The following GABRB1 variants were observed in gnomAD, a reference collection of about 807,000 sequenced individuals.
GABRB1 encodes the protein gamma-aminobutyric acid type A receptor subunit beta1, also known as gamma-aminobutyric acid receptor subunit beta-1.
GABRB1 carries 17 observed loss-of-function variants against 51.6 expected under a neutral mutation model. That is an observed-to-expected ratio of 0.33 (90% CI 0.23 to 0.49). The LOEUF (loss-of-function observed/expected upper bound fraction) is 0.49, where lower values mean the gene tolerates loss of function less well. Among genes scored for constraint, GABRB1 ranks in the 20% least tolerant of loss-of-function variants. The pLI is 0.99. For missense variants in GABRB1, 410 were observed against 600.6 expected (o/e 0.68, Z 3.32); for synonymous variants, 247 against 218.9 (o/e 1.13, Z -1.14).
intron 3 of GABRB1, among the ~76,000 whole-genome samples, chr4:47,094,652 G>C (rs770951263): frequency 6.6e-6 from 1 of 151,794 alleles, no homozygotes; most frequent in Non-Finnish European, 1.5e-5. Context: ...AAAAACAGCT[G>C]ATGTGTGCTA....
At chr4:47,397,733 AT>A (rs553046990) in intron 5 of GABRB1, among the ~76,000 whole-genome samples, 77 of 146,396 alleles carry the variant, frequency 5.3e-4, no homozygotes, top group Admixed American at 9.6e-4. Flanking sequence ...TGCTCAGCTA[AT>A]TTTTTTTTTT....
At chr4:47,110,590 A>G (rs976849957) in intron 3 of GABRB1, among the ~76,000 whole-genome samples, 3 of 152,194 alleles carry the variant, frequency 2.0e-5, no homozygotes. Context: ...TTGTTCCAAA[A>G]GGCATCTAAG....
chr4:47,237,344 A>G (rs1168182527), intron 4 of GABRB1, among the ~76,000 whole-genome samples: 7 of 152,048 alleles, frequency 4.6e-5, no homozygotes, highest in South Asian at 2.1e-4. Flanking sequence ...GAGAAAAACC[A>G]GAGAAATAAA....
chr4:47,097,203 T>C (rs987583956), intron 3 of GABRB1, among the ~76,000 whole-genome samples: 1 of 152,148 alleles, frequency 6.6e-6, no homozygotes, highest in Non-Finnish European at 1.5e-5. Flanking sequence ...AGGTCCAACA[T>C]GGCCTATCCC....
intron 5 of GABRB1, among the ~76,000 whole-genome samples, chr4:47,376,602 G>A (rs527606653): frequency 3.9e-5 from 6 of 152,146 alleles, no homozygotes; most frequent in Admixed American, 1.3e-4. Flanking sequence ...AGCCGAGACC[G>A]CACCACTGCA....
intron 3 of GABRB1, among the ~76,000 whole-genome samples, chr4:47,103,723 G>C (rs1714824584): frequency 6.6e-6 from 1 of 151,526 alleles, no homozygotes; most frequent in Non-Finnish European, 1.5e-5. Context: ...ATAATTTTGG[G>C]GTCTATAATA....
chr4:46,997,844 T>C (rs186067365), intron 1 of GABRB1, among the ~76,000 whole-genome samples: 1 of 152,376 alleles, frequency 6.6e-6, no homozygotes, highest in East Asian at 1.9e-4. Context: ...ACATAGGTTG[T>C]ATCCATATCT....
chr4:47,383,991 T>G (rs1398107280), intron 5 of GABRB1, among the ~76,000 whole-genome samples: 1 of 152,170 alleles, frequency 6.6e-6, no homozygotes, highest in Non-Finnish European at 1.5e-5. Flanking sequence ...CACAGTATCA[T>G]GTCGCTGCCT....
intron 3 of GABRB1, among the ~76,000 whole-genome samples, chr4:47,044,591 G>A (rs909246635): frequency 6.6e-6 from 1 of 151,928 alleles, no homozygotes; most frequent in Non-Finnish European, 1.5e-5. Flanking sequence ...ATATGCTCTG[G>A]TGTAAGTTAT....
intron 4 of GABRB1, among the ~76,000 whole-genome samples, chr4:47,293,838 T>C (rs55818428): frequency 6.6e-6 from 1 of 152,128 alleles, no homozygotes; most frequent in Non-Finnish European, 1.5e-5. Flanking sequence ...AACTTGTATT[T>C]CACAAAGAAA....
chr4:47,001,958 CA>C (rs1321573267), intron 1 of GABRB1, among the ~76,000 whole-genome samples: 5 of 152,168 alleles, frequency 3.3e-5, no homozygotes, highest in Admixed American at 3.3e-4. Context: ...CTTTATCTTA[CA>C]ACAACTTATT....
At chr4:47,262,519 G>A (rs1464761570) in intron 4 of GABRB1, among the ~76,000 whole-genome samples, 1 of 152,122 alleles carries the variant, frequency 6.6e-6, no homozygotes, top group Non-Finnish European at 1.5e-5. Context: ...AGTTAGAATG[G>A]CGATCATTAA....
chr4:47,105,807 A>T (rs1714943528), intron 3 of GABRB1, among the ~76,000 whole-genome samples: 1 of 152,078 alleles, frequency 6.6e-6, no homozygotes. Context: ...CCTCATAAGA[A>T]CTGTGGAGAG....
At chr4:47,235,347 G>C (rs920166115) in intron 4 of GABRB1, among the ~76,000 whole-genome samples, 1 of 152,122 alleles carries the variant, frequency 6.6e-6, no homozygotes. Context: ...GTCAGAAGTT[G>C]AAGACCATCC....
intron 3 of GABRB1, among the ~76,000 whole-genome samples, chr4:47,132,392 T>G (rs13121891): frequency 8.4e-6 from 1 of 119,106 alleles, no homozygotes; most frequent in African/African-American, 3.3e-5. Flanking sequence ...TTTTGGTTTG[T>G]TTTGGTTTGG....
At chr4:47,374,893 C>T (rs1727328174) in intron 5 of GABRB1, among the ~76,000 whole-genome samples, 1 of 152,110 alleles carries the variant, frequency 6.6e-6, no homozygotes, top group Non-Finnish European at 1.5e-5. Context: ...GCCTTGCAGT[C>T]CAGGAAAAGA....
In GABRB1 at chr4:47,012,006, T is replaced by C. The variant is rs74756287; in HGVS notation, c.-20+18080T>C. On this transcript the variant is annotated intron_variant, in intron 1 of 3. Transcript: ENST00000513567. ...AATTGATTCAGAATTTAAAAATAAATTAATAAAACATTACAGATACAATTA... is the reference window on the plus strand; with the variant it reads ...AATTGATTCAGAATTTAAAAATAAACTAATAAAACATTACAGATACAATTA... Among the ~76,000 whole-genome samples the C allele has an allele frequency of 3.7e-4, 57 of 152,254 alleles. 1 individual carries two copies. In the East Asian group the frequency reaches 0.01, roughly 27 times the overall value.
intron 3 of GABRB1, among the ~76,000 whole-genome samples, chr4:47,133,768 T>C (rs1297265356): frequency 2.0e-5 from 3 of 152,218 alleles, no homozygotes; most frequent in Non-Finnish European, 4.4e-5. Flanking sequence ...AGGTACATGA[T>C]GTCAGATGTC....
At chr4:47,077,904 TTA>T (rs1491216479) in intron 3 of GABRB1, among the ~76,000 whole-genome samples, 1 of 137,132 alleles carries the variant, frequency 7.3e-6, no homozygotes, top group Non-Finnish European at 1.5e-5. Flanking sequence ...TATATGTATT[TTA>T]TATATATTAT....
Sources: allele counts gnomAD v4.1 joint callset (sites outside exome capture counted in the v4.1 genomes callset), GRCh38; gene constraint gnomAD v4.1.1; transcripts MANE v1.5; gene names NCBI Gene and HGNC (gene_info 2026-07-23, HGNC 2026-07-21).